TMEM132D: variants seen among roughly 807,000 people sequenced by gnomAD.
TMEM132D encodes the protein transmembrane protein 132D.
Under a neutral mutation model 62.3 loss-of-function variants are expected in TMEM132D, and 21 were observed. The observed-to-expected ratio is 0.34, with a 90% CI of 0.24 to 0.49. The LOEUF (loss-of-function observed/expected upper bound fraction) is 0.49. TMEM132D is among the 20% of genes least tolerant of loss of function. TMEM132D has a pLI of 0.99. For synonymous variants in TMEM132D, 621 were observed against 575.6 expected (o/e 1.08, Z -1.13); for missense variants, 1,346 against 1,402.8 (o/e 0.96, Z 0.65).
intron 2 of TMEM132D, among the ~76,000 whole-genome samples, chr12:129,595,657 C>T (rs1250778488): frequency 6.6e-6 from 1 of 152,234 alleles, no homozygotes; most frequent in Non-Finnish European, 1.5e-5. Flanking sequence ...TGTGTTCCTG[C>T]AATTTGTCTA....
intron 2 of TMEM132D, among the ~76,000 whole-genome samples, chr12:129,633,308 A>G (rs971153052): frequency 2.6e-5 from 4 of 152,188 alleles, no homozygotes; most frequent in Non-Finnish European, 4.4e-5. Context: ...ATTGTTTCCA[A>G]TTCTTACAAG....
chr12:129,317,166 C>T (rs1485546665), intron 4 of TMEM132D, among the ~76,000 whole-genome samples: 1 of 152,152 alleles, frequency 6.6e-6, no homozygotes, highest in Non-Finnish European at 1.5e-5. Flanking sequence ...ATTCATCATG[C>T]TCTTTGTTGC....
chr12:129,806,722 TA>T (rs1214529025), intron 1 of TMEM132D, among the ~76,000 whole-genome samples: 2 of 151,520 alleles, frequency 1.3e-5, no homozygotes, highest in African/African-American at 4.8e-5. Flanking sequence ...AAATAAAAAA[TA>T]AAAAAATAAA....
intron 1 of TMEM132D, among the ~76,000 whole-genome samples, chr12:129,848,261 C>A (rs1322407280): frequency 6.6e-6 from 1 of 152,148 alleles, no homozygotes; most frequent in Admixed American, 6.5e-5. Flanking sequence ...CCTAATGGTT[C>A]CTTTAGAAAT....
chr12:129,441,633 C>A (rs546623115), intron 3 of TMEM132D, among the ~76,000 whole-genome samples: 1 of 152,200 alleles, frequency 6.6e-6, no homozygotes, highest in Non-Finnish European at 1.5e-5. Context: ...AATCCCACTA[C>A]TGGGTGTATA....
intron 3 of TMEM132D, among the ~76,000 whole-genome samples, chr12:129,368,736 A>G (rs931939649): frequency 6.6e-6 from 1 of 151,660 alleles, no homozygotes; most frequent in Non-Finnish European, 1.5e-5. Flanking sequence ...ACCAACAGAG[A>G]CCAATTCATT....
intron 1 of TMEM132D, among the ~76,000 whole-genome samples, chr12:129,851,416 C>T (rs1367409888): frequency 6.6e-6 from 1 of 152,024 alleles, no homozygotes; most frequent in Non-Finnish European, 1.5e-5. Context: ...GTTCATTTAC[C>T]ACAAGGTGCC....
chr12:129,368,041 C>T (rs897437836), intron 3 of TMEM132D, among the ~76,000 whole-genome samples: 4 of 152,160 alleles, frequency 2.6e-5, no homozygotes, highest in Non-Finnish European at 5.9e-5. Flanking sequence ...GATTCACCCA[C>T]CTCAGCCTCT....
intron 1 of TMEM132D, among the ~76,000 whole-genome samples, chr12:129,714,819 C>T (rs1469963154): frequency 6.6e-6 from 1 of 152,138 alleles, no homozygotes; most frequent in Non-Finnish European, 1.5e-5. Flanking sequence ...CGGTCGGAAG[C>T]CCACAGGCCT....
At chr12:129,680,340 G>C (rs1880746930) in intron 2 of TMEM132D, among the ~76,000 whole-genome samples, 1 of 151,964 alleles carries the variant, frequency 6.6e-6, no homozygotes, top group East Asian at 1.9e-4. Context: ...AAGATAAAAG[G>C]GAAAAGAAAT....
rs1222494352 is a variant in TMEM132D, at chr12:129,163,796, T to G, written c.1443+45724A>C. On this transcript the variant is annotated intron_variant, in intron 5 of 8. Coordinates refer to ENST00000422113, the MANE Select transcript of TMEM132D (RefSeq NM_133448.3). ...TCCTTCAATTCTTTCCAGTCACCTC[T>G]GTGAGGTTCCTGTCAGTCCAGACTG... Among the ~76,000 whole-genome samples the G allele has an allele frequency of 2.0e-5, 3 of 152,234 alleles. No homozygotes were observed. The East Asian group carries it at 5.8e-4, about 29-fold the overall frequency.
At chr12:129,862,610 T>G (rs370128265) in intron 1 of TMEM132D, among the ~76,000 whole-genome samples, 10 of 152,200 alleles carry the variant, frequency 6.6e-5, no homozygotes, top group Admixed American at 3.9e-4. Context: ...AAGGGCTGCA[T>G]GTTGACATCC....
rs569611409 is a variant in TMEM132D, at chr12:129,289,698, T to C, written c.1299+47936A>G. 7.2e-5 allele frequency among the ~76,000 whole-genome samples: 11 copies of C among 152,326 alleles called. No homozygotes were observed. The South Asian group carries it at 2.3e-3, about 32-fold the overall frequency. Reference sequence around the variant, plus strand: ...ACCAAACTCAAATTGAGGGGTAATATGCTAATTGGTTAGTGCTGATTAAAT... The same window carrying C: ...ACCAAACTCAAATTGAGGGGTAATACGCTAATTGGTTAGTGCTGATTAAAT... On this transcript the variant is annotated intron_variant, in intron 4 of 8. Coordinates refer to ENST00000422113, the MANE Select transcript of TMEM132D (RefSeq NM_133448.3).
chr12:129,352,615 C>T (rs1478114947), intron 3 of TMEM132D, among the ~76,000 whole-genome samples: 1 of 152,040 alleles, frequency 6.6e-6, no homozygotes, highest in Non-Finnish European at 1.5e-5. Context: ...TGAACAGACC[C>T]TTCTCAAAAG....
chr12:129,613,508 AAT>A (rs1418198759), intron 2 of TMEM132D, among the ~76,000 whole-genome samples: 2 of 152,192 alleles, frequency 1.3e-5, no homozygotes, highest in Non-Finnish European at 2.9e-5. Context: ...GCCCAGCAGC[AAT>A]ATGTCATTTT....
intron 4 of TMEM132D, among the ~76,000 whole-genome samples, chr12:129,228,695 T>C (rs1320443450): frequency 1.3e-5 from 2 of 152,226 alleles, no homozygotes; most frequent in Non-Finnish European, 2.9e-5. Flanking sequence ...GGTCAGTGTT[T>C]CGTTCCTTTC....
intron 4 of TMEM132D, among the ~76,000 whole-genome samples, chr12:129,215,792 G>A (rs541211465): frequency 4.4e-4 from 67 of 152,318 alleles, no homozygotes; most frequent in Admixed American, 2.5e-3. Flanking sequence ...GGCTGGGGAG[G>A]CCTCACAGTC....
At chr12:129,463,171 G>A (rs940030857) in intron 3 of TMEM132D, among the ~76,000 whole-genome samples, 5 of 152,156 alleles carry the variant, frequency 3.3e-5, no homozygotes, top group African/African-American at 9.7e-5. Context: ...TCTCTCTTAT[G>A]AGCTTCTGAA....
At chr12:129,790,373 T>C (rs1461641238) in intron 1 of TMEM132D, among the ~76,000 whole-genome samples, 10 of 152,026 alleles carry the variant, frequency 6.6e-5, no homozygotes, top group Admixed American at 3.9e-4. Context: ...ATGAACAAAT[T>C]GGAGATGGTA....
Sources: allele counts gnomAD v4.1 joint callset (sites outside exome capture counted in the v4.1 genomes callset), GRCh38; gene constraint gnomAD v4.1.1; transcripts MANE v1.5; gene names NCBI Gene and HGNC (gene_info 2026-07-23, HGNC 2026-07-21).